The following TTC7A variants were observed in gnomAD, a reference collection of about 807,000 sequenced individuals.
TTC7A encodes the protein tetratricopeptide repeat protein 7A.
In TTC7A, 110 loss-of-function variants were observed where a neutral mutation model predicts 103.7. The ratio of observed to expected loss-of-function variants is 1.06; its 90% CI spans 0.91 to 1.24. The LOEUF (loss-of-function observed/expected upper bound fraction) is 1.24. TTC7A is among the 50% of genes most tolerant of loss of function. TTC7A has a pLI of 0.00. For missense variants in TTC7A, 1,340 were observed against 1,116.3 expected (o/e 1.20, Z -2.86); for synonymous variants, 521 against 467.9 (o/e 1.11, Z -1.47).
At chr2:46,936,121 A>G (rs1038165976) in intron 2 of TTC7A, among the ~76,000 whole-genome samples, 1 of 152,094 alleles carries the variant, frequency 6.6e-6, no homozygotes, top group Non-Finnish European at 1.5e-5. Context: ...AGAAATAAAT[A>G]TATTTGCTTA....
At chr2:47,068,325 C>G (rs984050934) in intron 19 of TTC7A, 1 of 152,166 alleles carries the variant, frequency 6.6e-6, no homozygotes, top group African/African-American at 2.4e-5. Context: ...GCTTATGCCC[C>G]ATGTCTCAGG....
Position 47,060,934 on chromosome 2 carries a change from C to T in TTC7A, c.2318C>T (p.Thr773Met), listed in dbSNP as rs757752980. 6.8e-6 allele frequency: 11 copies of T among 1,613,868 alleles called. No individual in the cohort carries two copies. The highest frequency in any genetic ancestry group is 1.3e-5 in the African/African-American group (1 of 74,922). ...EAKQLYKEAL[T>M]VNPDGVRIMH... ...AAGCAGCTGTACAAGGAGGCGCTCA[C>T]GGTGAACCCAGATGGCGTGCGCATC... Residue 773 changes from threonine (T) to methionine (M), a missense_variant, in exon 19 of 20, where the codon ACG (threonine) becomes ATG (methionine). Coordinates refer to ENST00000319190, the MANE Select transcript of TTC7A (RefSeq NM_020458.4).
intron 5 of TTC7A, among the ~76,000 whole-genome samples, chr2:46,984,817 C>T (rs148447995): frequency 1.6e-4 from 25 of 152,302 alleles, no homozygotes; most frequent in Non-Finnish European, 2.8e-4. Context: ...ATTCCAGCTT[C>T]GGGCCTGAGC....
intron 5 of TTC7A, among the ~76,000 whole-genome samples, chr2:46,990,628 T>C (rs1008167038): frequency 1.3e-5 from 2 of 152,146 alleles, no homozygotes; most frequent in Non-Finnish European, 2.9e-5. Context: ...CTGAGTGTGC[T>C]TGGGGCCACA....
intron 2 of TTC7A, among the ~76,000 whole-genome samples, chr2:46,928,623 G>T (rs1412046814): frequency 6.6e-6 from 1 of 151,888 alleles, no homozygotes; most frequent in Non-Finnish European, 1.5e-5. Flanking sequence ...TATAAAAATT[G>T]ACCAGATGTG....
chr2:46,974,524 C>T, intron 3 of TTC7A: 1 of 381,590 alleles, frequency 2.6e-6, no homozygotes, highest in South Asian at 2.0e-5. Context: ...TCTAAGTCAG[C>T]ACATGGATAA....
intron 4 of TTC7A, among the ~76,000 whole-genome samples, chr2:46,975,951 G>A (rs1445864896): frequency 6.6e-6 from 1 of 152,160 alleles, no homozygotes; most frequent in African/African-American, 2.4e-5. Flanking sequence ...TGGCCAGGCT[G>A]GTTTTGAACT....
At chr2:46,936,420 CT>C (rs1669982008), upstream of TTC7A, among the ~76,000 whole-genome samples, 1 of 152,096 alleles carries the variant, frequency 6.6e-6, no homozygotes, top group African/African-American at 2.4e-5. Flanking sequence ...CTTATTTTGT[CT>C]TTAAGAGTTT....
In TTC7A at chr2:47,051,792, C is replaced by T; in HGVS notation, c.2064C>T (p.Ala688=). The T allele has an allele frequency of 6.2e-7, 1 of 1,611,596 alleles. No homozygotes were observed. The highest frequency in any genetic ancestry group is 1.1e-5 in the South Asian group (1 of 91,002). Residue 688 remains alanine, a synonymous_variant, in exon 18 of 20, where the codon GCC becomes GCT. Coordinates refer to ENST00000319190, the MANE Select transcript of TTC7A (RefSeq NM_020458.4). ...TCGCCGCCTCCCGGCTGGAGGAGGC[C>T]ATGTCAGAGCTGACTATGCCCTCTT... ...SSIAASRLEE[A]MSELTMPSSV... is the part of the protein sequence containing the mutation.
At chr2:46,951,266 A>G (rs1431870729) in intron 2 of TTC7A, among the ~76,000 whole-genome samples, 1 of 152,184 alleles carries the variant, frequency 6.6e-6, no homozygotes, top group Non-Finnish European at 1.5e-5. Context: ...TCCACCCACC[A>G]GCAGTGTAGG....
chr2:46,952,282 A>G (rs1297398568), intron 2 of TTC7A, among the ~76,000 whole-genome samples: 2 of 152,204 alleles, frequency 1.3e-5, no homozygotes, highest in African/African-American at 2.4e-5. Flanking sequence ...CTGCTGGTCA[A>G]AAGGGTTGGA....
intron 3 of TTC7A, among the ~76,000 whole-genome samples, chr2:46,960,398 T>C (rs1270156670): frequency 6.6e-6 from 1 of 152,158 alleles, no homozygotes; most frequent in Non-Finnish European, 1.5e-5. Flanking sequence ...GTATACCTGA[T>C]ATTTGGTGGC....
Position 46,999,827 on chromosome 2 carries a change from C to T in TTC7A, c.1065+4628C>T, listed in dbSNP as rs751291875. The T allele has an allele frequency of 9.1e-6, 9 of 985,274 alleles. 1 individual carries two copies. In the South Asian group the frequency reaches 1.9e-4, roughly 21 times the overall value. 61.0% of individuals were successfully genotyped at this position (985,274 alleles called of 1,614,324 possible). On this transcript the variant is annotated intron_variant, in intron 8 of 19. Coordinates refer to ENST00000319190, the MANE Select transcript of TTC7A (RefSeq NM_020458.4). Reference sequence around the variant, plus strand: ...TTGGATCCCTGTTTCATTCAGCTGGCGAACAAGTTGCTGCTGTTAGAAATG... The same window carrying T: ...TTGGATCCCTGTTTCATTCAGCTGGTGAACAAGTTGCTGCTGTTAGAAATG...
At chr2:46,949,754 G>C (rs1671248301) in intron 1 of TTC7A, among the ~76,000 whole-genome samples, 1 of 152,152 alleles carries the variant, frequency 6.6e-6, no homozygotes, top group Non-Finnish European at 1.5e-5. Context: ...TGGATGGTAT[G>C]GTGGCTGATG....
At chr2:47,070,777 T>C (rs7566310) in intron 19 of TTC7A, among the ~76,000 whole-genome samples, 150,814 of 152,260 alleles carry the variant, frequency 0.99, 74,694 homozygotes, top group East Asian at 1. Context: ...CTCCCTGGAA[T>C]CATGTCTGTG....
rs139904880 is a variant in TTC7A, at chr2:46,976,754, C to G, written c.648+1651C>G. 3.3e-3 allele frequency among the ~76,000 whole-genome samples: 497 copies of G among 152,352 alleles called. 2 individuals are homozygous for G. Among genetic ancestry groups the G allele is most frequent in the Middle Eastern group, 0.02 (6 of 294 alleles). Reference sequence around the variant, plus strand: ...CCACTATGCCAGTAGCACTATCCCCCTTGTTGTGACAACCAAAAATGTCTT... The same window carrying G: ...CCACTATGCCAGTAGCACTATCCCCGTTGTTGTGACAACCAAAAATGTCTT... On this transcript the variant is annotated intron_variant, in intron 4 of 19. Coordinates refer to ENST00000319190, the MANE Select transcript of TTC7A (RefSeq NM_020458.4).
At position 46,956,994 on chromosome 2, in the gene TTC7A, T is replaced by G; in HGVS notation, c.504T>G (p.Ala168=). Residue 168 remains alanine (A), a synonymous_variant, in exon 3 of 20, where the codon GCT becomes GCG. Coordinates refer to ENST00000319190, the MANE Select transcript of TTC7A (RefSeq NM_020458.4). ...ATCAGATGCGGCTGCTGTCGGAGGCTTTTGTCATCAAAGGTAGCTGTGGGC... is the reference window on the plus strand; with the variant it reads ...ATCAGATGCGGCTGCTGTCGGAGGCGTTTGTCATCAAAGGTAGCTGTGGGC... ...PLYQMRLLSE[A]FVIKGLSLER... is the part of the protein sequence containing the mutation. 6.2e-7 allele frequency: 1 copy of G among 1,614,140 alleles called. No individual in the cohort carries two copies. The highest frequency in any genetic ancestry group is 8.5e-7 in the Non-Finnish European group (1 of 1,180,012).
chr2:46,976,207 C>T, intron 4 of TTC7A, among the ~76,000 whole-genome samples: 1 of 152,232 alleles, frequency 6.6e-6, no homozygotes, highest in Non-Finnish European at 1.5e-5. Context: ...TTAACCCTCA[C>T]ACTGACTGGA....
At chr2:47,022,063 C>A (rs1018226131) in intron 12 of TTC7A, 84 bp downstream of exon 12, 2 of 958,762 alleles carry the variant, frequency 2.1e-6, no homozygotes, top group South Asian at 1.5e-5. Context: ...CCTACCGGCA[C>A]CCCTCCCCTC....
Sources: allele counts gnomAD v4.1 joint callset (sites outside exome capture counted in the v4.1 genomes callset), GRCh38; gene constraint gnomAD v4.1.1; transcripts MANE v1.5; gene names NCBI Gene and HGNC (gene_info 2026-07-23, HGNC 2026-07-21).